The following INPP5F variants were observed in gnomAD, a reference collection of about 807,000 sequenced individuals.
INPP5F encodes inositol polyphosphate-5-phosphatase F, also known as phosphatidylinositide 4-phosphatase SAC2.
INPP5F carries 97 observed loss-of-function variants against 137.2 expected under a neutral mutation model. That is an observed-to-expected ratio of 0.71 (90% CI 0.60 to 0.84). The LOEUF is 0.84. Ranked by LOEUF, INPP5F falls within the 40% of genes least tolerant of loss-of-function variation. INPP5F has a pLI of 0.00. For synonymous variants in INPP5F, 504 were observed against 476.9 expected, an observed-to-expected ratio of 1.06 and a Z score of -0.74; for missense variants, 1,271 against 1,371.9, an observed-to-expected ratio of 0.93 and a Z score of 1.16.
Position 119,826,960 on chromosome 10 carries a change from C to CT in INPP5F, c.2580dup (p.Asp861Ter). 1 of 1,614,032 alleles carries CT rather than the reference C, an allele frequency of 6.2e-7. No individual in the cohort carries two copies. Among genetic ancestry groups the CT allele is most frequent in the Non-Finnish European group, 8.5e-7 (1 of 1,179,912 alleles). On this transcript the variant is annotated frameshift_variant, in exon 20 of 20. Transcript: ENST00000650623. LOFTEE classifies it high-confidence loss of function. Reference sequence around the variant, plus strand: ...TCTTCAGATAATGACTCATACCACTCTGATGAATTCCTTACAAATTCTAAG... The same window carrying CT: ...TCTTCAGATAATGACTCATACCACTCTTGATGAATTCCTTACAAATTCTAAG...
chr10:119,818,019 G>C lies in INPP5F; in HGVS notation c.1887-2827G>C, dbSNP rs181773011. Among the ~76,000 whole-genome samples the C allele has an allele frequency of 6.5e-3, 995 of 152,336 alleles. 26 individuals carry two copies. The highest frequency in any genetic ancestry group is 0.052 in the Admixed American group (803 of 15,302). ...CCAGCAGGGAAGTAGGCCTGGCTGC[G>C]GGGTCGCGGCCTAGGGCATTGGTCG... On this transcript the variant is annotated intron_variant, in intron 15 of 19. Coordinates refer to ENST00000650623, the MANE Select transcript of INPP5F (RefSeq NM_014937.4).
rs139036788 is a variant in INPP5F at position 119,744,803 on chromosome 10, C to T, written c.98-6273C>T. Among the ~76,000 whole-genome samples, 151 of 152,266 alleles carry T rather than the reference C, an allele frequency of 9.9e-4. 1 individual carries two copies. Among genetic ancestry groups the T allele is most frequent in the African/African-American group, 3.5e-3 (144 of 41,538 alleles). ...TCAAGTAATCATCCTGCTTCAGCCT[C>T]GTAAAATGCTGGGATTACAGGCATG... On this transcript the variant is annotated intron_variant, in intron 1 of 19. Transcript: ENST00000650623.
intron 1 of INPP5F, among the ~76,000 whole-genome samples, chr10:119,727,596 G>T (rs1381445544): frequency 6.6e-6 from 1 of 152,248 alleles, no homozygotes; most frequent in East Asian, 1.9e-4. Context: ...GCTTTCTTAG[G>T]AAGGCCTACT....
chr10:119,788,200 A>G (rs1589715258), intron 3 of INPP5F, among the ~76,000 whole-genome samples: 1 of 152,170 alleles, frequency 6.6e-6, no homozygotes, highest in East Asian at 1.9e-4. Flanking sequence ...GCGCAGTTCT[A>G]GAGATGCTGA....
intron 2 of INPP5F, among the ~76,000 whole-genome samples, chr10:119,771,463 G>A (rs1036244109): frequency 2.0e-5 from 3 of 151,964 alleles, no homozygotes; most frequent in Non-Finnish European, 4.4e-5. Context: ...AGTAGTAAAA[G>A]GTATTCAGCG....
rs984606804 is a variant in INPP5F, at chr10:119,726,284, G to A, written c.22G>A (p.Asp8Asn). Residue 8 changes from aspartate to asparagine, a missense_variant, in exon 1 of 20, where the codon GAC becomes AAC. By Grantham distance (23) the Asp-to-Asn change is conservative. Transcript: ENST00000650623. Reference sequence around the variant, plus strand: ...CAGCATGGAGCTCTTCCAAGCCAAGGACCACTACATCCTGCAGCAGGGCGA... The same window carrying A: ...CAGCATGGAGCTCTTCCAAGCCAAGAACCACTACATCCTGCAGCAGGGCGA... MELFQAK[D>N]HYILQQGERA... 2.5e-5 allele frequency: 38 copies of A among 1,491,692 alleles called. No homozygotes were observed. The highest frequency in any genetic ancestry group is 3.3e-5 in the Non-Finnish European group (37 of 1,120,560). The allele number at this position is 1,491,692 out of a possible 1,614,324, so 92.4% of individuals were successfully genotyped here.
Position 119,734,781 on chromosome 10 carries a change from C to A in INPP5F, c.97+8422C>A, listed in dbSNP as rs531499789. ...GTGTCTTTTTGTAAACGGTTCTTTT[C>A]CTGTTCAAATATATTTTAAAACATA... On this transcript the variant is annotated intron_variant, in intron 1 of 19. Coordinates refer to ENST00000650623, the MANE Select transcript of INPP5F (RefSeq NM_014937.4). 6.6e-5 allele frequency among the ~76,000 whole-genome samples: 10 copies of A among 152,232 alleles called. No homozygotes were observed. The East Asian group carries it at 1.9e-3, about 29-fold the overall frequency.
At chr10:119,809,058 T>G (rs1652971888) in intron 13 of INPP5F, among the ~76,000 whole-genome samples, 1 of 152,028 alleles carries the variant, frequency 6.6e-6, no homozygotes, top group African/African-American at 2.4e-5. Flanking sequence ...ACCCTGTCTC[T>G]ACAAAAATAT....
At chr10:119,809,602 G>C (rs925380105) in intron 13 of INPP5F, among the ~76,000 whole-genome samples, 1 of 152,194 alleles carries the variant, frequency 6.6e-6, no homozygotes, top group Non-Finnish European at 1.5e-5. Flanking sequence ...TTGTTCTACA[G>C]GTGCTGGTGA....
At position 119,726,314 on chromosome 10, in the gene INPP5F, G is replaced by A. The variant is rs766965735; in HGVS notation, c.52G>A (p.Ala18Thr). 4 of 1,480,782 alleles carry A rather than the reference G, an allele frequency of 2.7e-6. No individual in the cohort carries two copies. The highest frequency in any genetic ancestry group is 2.2e-5 in the Admixed American group (1 of 44,960). The allele number at this position is 1,480,782 out of a possible 1,614,324, so 91.7% of individuals were successfully genotyped here. ...CTACATCCTGCAGCAGGGCGAGCGC[G>A]CGCTGTGGTGCAGCCGCCGCGACGG... ...DHYILQQGER[A>T]LWCSRRDGGL... Residue 18 changes from alanine (A) to threonine (T), a missense_variant, in exon 1 of 20, where the codon GCG (alanine) becomes ACG (threonine). Coordinates refer to ENST00000650623, the MANE Select transcript of INPP5F (RefSeq NM_014937.4).
chr10:119,780,992 G>A (rs539472977), intron 2 of INPP5F, among the ~76,000 whole-genome samples: 1 of 152,236 alleles, frequency 6.6e-6, no homozygotes, highest in South Asian at 2.1e-4. Context: ...ATATATTCAG[G>A]TTATCTACTA....
intron 6 of INPP5F, among the ~76,000 whole-genome samples, chr10:119,795,830 C>T (rs539541091): frequency 2.0e-5 from 3 of 152,358 alleles, no homozygotes; most frequent in Admixed American, 2.0e-4. Flanking sequence ...AATCCTGGCA[C>T]CTCGGGAGGC....
intron 3 of INPP5F, among the ~76,000 whole-genome samples, chr10:119,790,138 G>A (rs972724155): frequency 6.6e-6 from 1 of 152,060 alleles, no homozygotes; most frequent in African/African-American, 2.4e-5. Flanking sequence ...GAGGACAGCA[G>A]TGGCTGAGGA....
At chr10:119,793,416 A>C (rs1290443350) in intron 6 of INPP5F, among the ~76,000 whole-genome samples, 2 of 152,158 alleles carry the variant, frequency 1.3e-5, no homozygotes, top group Non-Finnish European at 2.9e-5. Context: ...AAACAAAACA[A>C]AACAAAACAA....
rs1435827318 is a variant in INPP5F, at chr10:119,783,167, GT to G, written c.315+1401del. On this transcript the variant is annotated intron_variant, in intron 3 of 19. Coordinates refer to ENST00000650623, the MANE Select transcript of INPP5F (RefSeq NM_014937.4). ...GGCCTATTAAAAGCAGATGTTTGCA[GT>G]TTTTGTCTGCATTTTTTTTGGGTGA... is the stretch of plus-strand genomic sequence containing the variant. Among the ~76,000 whole-genome samples the G allele has an allele frequency of 3.3e-5, 5 of 152,188 alleles. No homozygotes were observed. The South Asian group carries it at 1.0e-3, about 31-fold the overall frequency.
chr10:119,736,511 G>A (rs537220873), intron 1 of INPP5F, among the ~76,000 whole-genome samples: 1 of 152,260 alleles, frequency 6.6e-6, no homozygotes, highest in East Asian at 1.9e-4. Context: ...CTGGTATTAA[G>A]TGGTATACAG....
intron 2 of INPP5F, among the ~76,000 whole-genome samples, chr10:119,760,685 A>G (rs1848985030): frequency 6.6e-6 from 1 of 152,244 alleles, no homozygotes; most frequent in Admixed American, 6.5e-5. Flanking sequence ...AGTAACAACC[A>G]TTGACAGCAA....
chr10:119,811,620 C>G, intron 14 of INPP5F, 137 bp from the exon 15 acceptor site: 1 of 660,594 alleles, frequency 1.5e-6, no homozygotes, highest in Non-Finnish European at 2.5e-6. Context: ...AAAATCATGC[C>G]TAATCCAAGG....
intron 2 of INPP5F, among the ~76,000 whole-genome samples, chr10:119,769,916 C>T (rs1293901583): frequency 6.6e-6 from 1 of 152,136 alleles, no homozygotes; most frequent in Non-Finnish European, 1.5e-5. Flanking sequence ...TAAATCTCCT[C>T]TCATTTATAT....
Sources: gnomAD v4.1 joint callset for allele counts (sites outside exome capture counted in the v4.1 genomes callset) on GRCh38, gnomAD v4.1.1 for gene constraint, MANE v1.5 for transcripts, NCBI Gene and HGNC (gene_info 2026-07-23, HGNC 2026-07-21) for gene names.